FAF2: variants seen among roughly 807,000 people sequenced by gnomAD.
FAF2 encodes the protein FAS-associated factor 2.
In FAF2, 9 loss-of-function variants were observed where a neutral mutation model predicts 62.3. That is an observed-to-expected ratio of 0.14 (90% confidence interval 0.09 to 0.25). The LOEUF is 0.25. Ranked by LOEUF, FAF2 falls within the 10% of genes least tolerant of loss-of-function variation. The probability of loss-of-function intolerance (pLI) is 1.00; values close to 1 mark genes in which losing one functional copy is unlikely to be tolerated. For missense variants in FAF2, 368 were observed against 556.2 expected, an observed-to-expected ratio of 0.66 and a Z score of 3.40; for synonymous variants, 202 against 198.0, an observed-to-expected ratio of 1.02 and a Z score of -0.17.
In FAF2 at chr5:176,494,058, T is replaced by A. The variant is rs765448279; in HGVS notation, c.543T>A (p.Asp181Glu). The change falls in exon 6 of 11, where the codon GAT (aspartate) becomes GAA (glutamate). Residue 181 changes from aspartate (D) to glutamate (E), a missense_variant. Around this residue, in one of 2 missense-constraint regions of FAF2, gnomAD observed 331 missense variants for 441.9 expected, o/e 0.75. Transcript: ENST00000261942. The surrounding 1 kb of genome is among the most constrained non-coding windows in gnomAD (Gnocchi z 4.0). ...RFLLVYLHGD[D>E]HQDSDEFCRN... ...TTTTGGTTTATCTTCATGGAGATGA[T>A]CACCAGGACTCTGATGAGTTTTGTC... is the stretch of plus-strand genomic sequence containing the variant. 2 of 1,613,960 alleles carry A rather than the reference T, an allele frequency of 1.2e-6. No homozygotes were observed. Among genetic ancestry groups the A allele is most frequent in the Non-Finnish European group, 1.7e-6 (2 of 1,179,984 alleles).
chr5:176,471,716 T>G (rs1172042416), intron 1 of FAF2, among the ~76,000 whole-genome samples: 2 of 136,744 alleles, frequency 1.5e-5, no homozygotes, highest in Non-Finnish European at 3.1e-5. Context: ...GGAGTCTCAC[T>G]CTGTCTGTCA....
intron 1 of FAF2, 39 bp downstream of exon 1, chr5:176,448,509 G>T: frequency 6.4e-7 from 1 of 1,561,746 alleles, no homozygotes; most frequent in Non-Finnish European, 8.7e-7. Context: ...GCCTCCGTGG[G>T]ATGGGGAGTA....
chr5:176,486,277 C>T (rs185602873), intron 2 of FAF2, 78 bp from the exon 3 acceptor site: 80 of 1,569,036 alleles, frequency 5.1e-5, no homozygotes, highest in South Asian at 5.8e-5. Flanking sequence ...TGGAATACCA[C>T]GCAATAGTTG....
intron 10 of FAF2, among the ~76,000 whole-genome samples, chr5:176,505,438 C>T (rs1275900759): frequency 6.6e-6 from 1 of 152,176 alleles, no homozygotes; most frequent in African/African-American, 2.4e-5. Context: ...ACAGGAGATT[C>T]ATATGAGGTG....
chr5:176,475,820 G>C (rs1050238344), intron 1 of FAF2, among the ~76,000 whole-genome samples: 2 of 151,772 alleles, frequency 1.3e-5, no homozygotes, highest in African/African-American at 4.8e-5. Context: ...CAGCTCGGCT[G>C]TACATTAGAA....
At chr5:176,477,089 T>G (rs1228193497) in intron 1 of FAF2, among the ~76,000 whole-genome samples, 3 of 145,248 alleles carry the variant, frequency 2.1e-5, no homozygotes, top group Non-Finnish European at 3.0e-5. Flanking sequence ...ATTACAGGCG[T>G]GAGCCACCGT....
chr5:176,472,944 T>TA (rs1382478495), intron 1 of FAF2, among the ~76,000 whole-genome samples: 1 of 152,144 alleles, frequency 6.6e-6, no homozygotes, highest in Non-Finnish European at 1.5e-5. Flanking sequence ...ACTTTTTAAA[T>TA]AAACTTGTCA....
chr5:176,467,667 C>T (rs1053420034), intron 1 of FAF2, among the ~76,000 whole-genome samples: 1 of 152,184 alleles, frequency 6.6e-6, no homozygotes, highest in Non-Finnish European at 1.5e-5. Context: ...TTTTAGCTGA[C>T]CTTTATTAAG....
At chr5:176,462,643 A>G (rs1027528364) in intron 1 of FAF2, among the ~76,000 whole-genome samples, 5 of 152,266 alleles carry the variant, frequency 3.3e-5, no homozygotes, top group Middle Eastern at 3.4e-3. Context: ...AATAAAATAG[A>G]TGTTTAATAA....
chr5:176,479,089 A>AT, intron 1 of FAF2, 99 bp from the exon 2 acceptor site: 1 of 950,714 alleles, frequency 1.1e-6, no homozygotes, highest in Non-Finnish European at 1.7e-6. Flanking sequence ...CACTTTTAAC[A>AT]TTTTTTAGTG....
At chr5:176,484,820 G>A (rs1758845401) in intron 2 of FAF2, among the ~76,000 whole-genome samples, 1 of 151,566 alleles carries the variant, frequency 6.6e-6, no homozygotes, top group Non-Finnish European at 1.5e-5. Flanking sequence ...GAACCTGGGG[G>A]CGCGGAGGTT....
At chr5:176,459,911 G>C (rs760009309) in intron 1 of FAF2, among the ~76,000 whole-genome samples, 3 of 151,938 alleles carry the variant, frequency 2.0e-5, no homozygotes, top group Non-Finnish European at 4.4e-5. Flanking sequence ...GTAGTCCTCA[G>C]TGTCTATTGT....
At chr5:176,467,633 C>T (rs1009625988) in intron 1 of FAF2, among the ~76,000 whole-genome samples, 5 of 151,132 alleles carry the variant, frequency 3.3e-5, no homozygotes, top group Non-Finnish European at 7.4e-5. Flanking sequence ...TTAATGTAAA[C>T]CAGAGTTCTA....
At chr5:176,489,129 T>C in intron 4 of FAF2, 102 bp downstream of exon 4, 1 of 774,552 alleles carries the variant, frequency 1.3e-6, no homozygotes, top group South Asian at 1.7e-5. Flanking sequence ...ACTTACCAAT[T>C]TGTCATGAGA....
intron 2 of FAF2, 90 bp downstream of exon 2, chr5:176,479,346 C>G (rs1758753407): frequency 9.7e-7 from 1 of 1,032,082 alleles, no homozygotes; most frequent in East Asian, 2.4e-5. Context: ...GGAATCTTTT[C>G]AGTAGATTTT....
At chr5:176,458,144 C>T (rs1424370025) in intron 1 of FAF2, among the ~76,000 whole-genome samples, 2 of 152,190 alleles carry the variant, frequency 1.3e-5, no homozygotes, top group African/African-American at 2.4e-5. Context: ...TGCAATTGTA[C>T]AGTCTTGGCT....
intron 2 of FAF2, among the ~76,000 whole-genome samples, chr5:176,486,115 T>C (rs1445377649): frequency 6.6e-6 from 1 of 152,232 alleles, no homozygotes; most frequent in Non-Finnish European, 1.5e-5. Context: ...GCTTGCTGCA[T>C]AAATGTAGCT....
intron 2 of FAF2, among the ~76,000 whole-genome samples, chr5:176,481,573 C>T (rs944934465): frequency 6.6e-6 from 1 of 151,902 alleles, no homozygotes; most frequent in African/African-American, 2.4e-5. Flanking sequence ...AGGAGAATGA[C>T]GTGAACTCGG....
intron 2 of FAF2, 77 bp downstream of exon 2, chr5:176,479,333 G>T: frequency 8.5e-7 from 1 of 1,174,362 alleles, no homozygotes; most frequent in Non-Finnish European, 1.3e-6. Flanking sequence ...TTTTTCCATA[G>T]CAGGAATCTT....
Sources: allele counts gnomAD v4.1 joint callset (sites outside exome capture counted in the v4.1 genomes callset), GRCh38; gene constraint gnomAD v4.1.1; regional missense constraint gnomAD v4.1.1; non-coding constraint Gnocchi (gnomAD v3.1); transcripts MANE v1.5; gene names NCBI Gene and HGNC (gene_info 2026-07-23, HGNC 2026-07-21).